GPR161: variants seen among roughly 807,000 people sequenced by gnomAD.
GPR161 encodes G-protein coupled receptor RE2.
GPR161 carries 25 observed loss-of-function variants against 39.2 expected under a neutral mutation model. The observed-to-expected ratio is 0.64, with a 90% CI of 0.47 to 0.89. The LOEUF is 0.89. Among genes scored for constraint, GPR161 ranks in the 40% least tolerant of loss-of-function variants. The pLI is 0.00. For synonymous variants in GPR161, 286 were observed against 276.6 expected, an observed-to-expected ratio of 1.03 and a Z score of -0.34; for missense variants, 547 against 677.8, an observed-to-expected ratio of 0.81 and a Z score of 2.14.
rs1410838769 is a variant in GPR161, at chr1:168,083,042, A to AAAT, written c.*2486_*2488dup. Reference sequence around the variant, plus strand: ...GAGCCATCCCTAACTCCATATTTGGAAATACCCACCTCCCTCTGAAGCCAC... The same window carrying AAAT: ...GAGCCATCCCTAACTCCATATTTGGAAATAATACCCACCTCCCTCTGAAGCCAC... On this transcript the variant is annotated 3_prime_UTR_variant, in exon 6 of 6. Transcript: ENST00000682931. The AAAT allele has an allele frequency of 1.3e-5, 2 of 152,198 alleles. No homozygotes were observed. Among genetic ancestry groups the AAAT allele is most frequent in the African/African-American group, 4.8e-5 (2 of 41,436 alleles). The allele number at this position is 152,198 out of a possible 1,614,324, so 9.4% of individuals were successfully genotyped here. A position where few individuals can be genotyped will look rare whatever the true frequency, so the allele number is the denominator to read the frequency against.
At chr1:168,137,289 T>C, upstream of GPR161, 1 of 1,521,082 alleles carries the variant, frequency 6.6e-7, no homozygotes, top group East Asian at 2.5e-5. Flanking sequence ...TCTCTCTCCA[T>C]CACACAGACA....
intron 1 of GPR161, among the ~76,000 whole-genome samples, chr1:168,126,957 C>A (rs1000166827): frequency 6.6e-6 from 1 of 152,158 alleles, no homozygotes; most frequent in Non-Finnish European, 1.5e-5. Flanking sequence ...AAACCCAGGT[C>A]TGAATTCCCT....
chr1:168,106,945 A>C (rs1410789418), intron 1 of GPR161, among the ~76,000 whole-genome samples: 3 of 152,046 alleles, frequency 2.0e-5, no homozygotes, highest in Non-Finnish European at 4.4e-5. Flanking sequence ...GGGTTTGTTG[A>C]CTCTAATAAG....
chr1:168,087,996 C>T (rs1219126476), intron 4 of GPR161: 3 of 289,538 alleles, frequency 1.0e-5, no homozygotes, highest in Non-Finnish European at 1.3e-5. Context: ...TGGCATCTGC[C>T]GGCCCAGCAT....
rs1694069753 is a variant in GPR161 at position 168,081,454 on chromosome 1, A to G, written c.*4077T>C. ...CCCTCCCCACAGAGATACTGTGAAG[A>G]AACACCAGTGGCTCAGCTTCAGCTG... is the stretch of plus-strand genomic sequence containing the variant. On this transcript the variant is annotated 3_prime_UTR_variant, in exon 6 of 6. Transcript: ENST00000682931. 1 of 152,228 alleles carries G rather than the reference A, an allele frequency of 6.6e-6. No homozygotes were observed. The highest frequency in any genetic ancestry group is 2.4e-5 in the African/African-American group (1 of 41,456). The allele number at this position is 152,228 out of a possible 1,614,324, so 9.4% of individuals were successfully genotyped here.
chr1:168,134,496 T>C (rs1265872835), intron 1 of GPR161, among the ~76,000 whole-genome samples: 1 of 152,162 alleles, frequency 6.6e-6, no homozygotes, highest in Non-Finnish European at 1.5e-5. Context: ...TCTGTTGATG[T>C]TTTTTGTTCT....
intron 2 of GPR161, among the ~76,000 whole-genome samples, chr1:168,103,134 G>A (rs1466949568): frequency 2.6e-5 from 4 of 152,154 alleles, no homozygotes; most frequent in Non-Finnish European, 5.9e-5. Context: ...AGTAACAGGG[G>A]ACTGTGAAAA....
Position 168,104,610 on chromosome 1 carries a change from G to A in GPR161, c.241C>T (p.Leu81=). Reference sequence around the variant, plus strand: ...ATGGAGCTCGTCACCACAAAAGGCAGCACCAACACGGACAGCAGGAAGTTG... The same window carrying A: ...ATGGAGCTCGTCACCACAAAAGGCAACACCAACACGGACAGCAGGAAGTTG... ...LSNFLLSVLV[L]PFVVTSSIRR... Residue 81 remains leucine (L), a synonymous_variant, in exon 2 of 6, where the codon CTG becomes TTG. Coordinates refer to ENST00000682931, the MANE Select transcript of GPR161 (RefSeq NM_001375883.1). 1.2e-6 allele frequency: 2 copies of A among 1,614,064 alleles called. No homozygotes were observed. Among genetic ancestry groups the A allele is most frequent in the Non-Finnish European group, 1.7e-6 (2 of 1,179,952 alleles).
chr1:168,106,974 C>A (rs909710320), intron 1 of GPR161, among the ~76,000 whole-genome samples: 2 of 152,028 alleles, frequency 1.3e-5, no homozygotes, highest in Non-Finnish European at 2.9e-5. Context: ...TAATTAACGT[C>A]TCAAAGTTTC....
At chr1:168,097,620 A>G (rs1216712536) in intron 2 of GPR161, among the ~76,000 whole-genome samples, 1 of 152,216 alleles carries the variant, frequency 6.6e-6, no homozygotes, top group African/African-American at 2.4e-5. Context: ...GGGATCATTA[A>G]GAACCAGAAT....
At chr1:168,135,354 A>G (rs1183261320) in intron 1 of GPR161, among the ~76,000 whole-genome samples, 1 of 152,226 alleles carries the variant, frequency 6.6e-6, no homozygotes, top group Admixed American at 6.5e-5. Flanking sequence ...TGTGAATGAA[A>G]AAGTGTACAT....
intron 3 of GPR161, among the ~76,000 whole-genome samples, chr1:168,095,867 G>A (rs1695472653): frequency 6.6e-6 from 1 of 152,152 alleles, no homozygotes; most frequent in Non-Finnish European, 1.5e-5. Flanking sequence ...TGGCATGGTG[G>A]CTCACGCTTG....
At position 168,096,700 on chromosome 1, in the gene GPR161, G is replaced by A. The variant is rs1410157372; in HGVS notation, c.907C>T (p.Pro303Ser). The change falls in exon 3 of 6, where the codon CCG (proline) becomes TCG (serine). Residue 303 changes from proline (P) to serine (S), a missense_variant. Physicochemically the swap from Pro to Ser is moderately conservative, Grantham distance 74. Transcript: ENST00000682931. The stretch of plus-strand genomic sequence containing the variant: ...CATGTGGCCCAAGTCTCCAGGCTCG[G>A]GGAGACGGAGCTTTTCCCCCAGAGG... ...EALWGKSSVS[P>S]SLETWATWLS... 2.5e-6 allele frequency: 4 copies of A among 1,614,014 alleles called. No individual in the cohort carries two copies. Among genetic ancestry groups the A allele is most frequent in the Middle Eastern group, 1.6e-4 (1 of 6,084 alleles).
rs149869861 is a variant in GPR161, at chr1:168,111,545, G to A, written c.-44-6651C>T. ...AAGGGAGCCTGGAGCTGTGGCAGTC[G>A]TCTTGAGACCATTAGGGATGCGAAG... On this transcript the variant is annotated intron_variant, in intron 1 of 5. Coordinates refer to ENST00000682931, the MANE Select transcript of GPR161 (RefSeq NM_001375883.1). Among the ~76,000 whole-genome samples the A allele has an allele frequency of 4.3e-3, 658 of 152,330 alleles. 2 individuals are homozygous for A. Among genetic ancestry groups the A allele is most frequent in the Non-Finnish European group, 7.2e-3 (487 of 68,036 alleles).
intron 3 of GPR161, among the ~76,000 whole-genome samples, chr1:168,094,426 T>C (rs1443234649): frequency 6.6e-6 from 1 of 152,120 alleles, no homozygotes; most frequent in African/African-American, 2.4e-5. Context: ...ATTTCAGTGG[T>C]TAAAATACTG....
rs1694119008 is a variant in GPR161 at position 168,082,158 on chromosome 1, CAAAT to C, written c.*3369_*3372del. 6.6e-6 allele frequency: 1 copy of C among 152,204 alleles called. No homozygotes were observed. The highest frequency in any genetic ancestry group is 2.1e-4 in the South Asian group (1 of 4,828). The allele number at this position is 152,204 out of a possible 1,614,324, so 9.4% of individuals were successfully genotyped here. ...ACAGAAAGACCACATAGTAGCTCCT[CAAAT>C]AAGAATCAAGGAACATTGGCACTAG... is the stretch of plus-strand genomic sequence containing the variant. On this transcript the variant is annotated 3_prime_UTR_variant, in exon 6 of 6. Coordinates refer to ENST00000682931, the MANE Select transcript of GPR161 (RefSeq NM_001375883.1).
At chr1:168,116,767 G>A (rs1276744016) in intron 1 of GPR161, among the ~76,000 whole-genome samples, 1 of 152,202 alleles carries the variant, frequency 6.6e-6, no homozygotes, top group East Asian at 1.9e-4. Flanking sequence ...CCCAGCCAAC[G>A]CAGAGTCTGT....
At chr1:168,116,680 C>G (rs1031510720) in intron 1 of GPR161, among the ~76,000 whole-genome samples, 1 of 152,206 alleles carries the variant, frequency 6.6e-6, no homozygotes, top group Non-Finnish European at 1.5e-5. Flanking sequence ...TCATCCTTCC[C>G]TGGCACTCAC....
At chr1:168,099,201 GTCT>G (rs531305958) in intron 2 of GPR161, among the ~76,000 whole-genome samples, 91 of 152,294 alleles carry the variant, frequency 6.0e-4, no homozygotes, top group African/African-American at 2.1e-3. Context: ...CCCCATGGTG[GTCT>G]TCTTCCCCTT....
Sources: allele counts gnomAD v4.1 joint callset (sites outside exome capture counted in the v4.1 genomes callset), GRCh38; gene constraint gnomAD v4.1.1; transcripts MANE v1.5; gene names NCBI Gene and HGNC (gene_info 2026-07-23, HGNC 2026-07-21).